SIRPG: variants seen among roughly 807,000 people sequenced by gnomAD.
SIRPG encodes the protein signal-regulatory protein gamma.
In SIRPG, 38 loss-of-function variants were observed where a neutral mutation model predicts 35.7. That is an observed-to-expected ratio of 1.06 (90% CI 0.82 to 1.40). SIRPG has a LOEUF of 1.40. Among genes scored for constraint, SIRPG ranks in the 40% most tolerant of loss-of-function variants. The pLI, the probability that SIRPG is intolerant of heterozygous loss-of-function variation, is 0.00. For missense variants in SIRPG, 519 were observed against 483.0 expected, an observed-to-expected ratio of 1.07 and a Z score of -0.70; for synonymous variants, 215 against 190.4, an observed-to-expected ratio of 1.13 and a Z score of -1.06.
At chr20:1,662,242 C>A (rs1310262209), upstream of SIRPG, among the ~76,000 whole-genome samples, 1 of 152,188 alleles carries the variant, frequency 6.6e-6, no homozygotes, top group Non-Finnish European at 1.5e-5. Flanking sequence ...GGAAGGAAAG[C>A]CTGCACTGTA....
At chr20:1,638,474 G>A (rs1022222564) in intron 2 of SIRPG, 1 of 151,996 alleles carries the variant, frequency 6.6e-6, no homozygotes, top group African/African-American at 2.4e-5. Context: ...TGCAGCTCAT[G>A]AAAAACTCAA....
chr20:1,658,290 C>T (rs2091986248), upstream of SIRPG, among the ~76,000 whole-genome samples: 1 of 152,164 alleles, frequency 6.6e-6, no homozygotes, highest in South Asian at 2.1e-4. Context: ...TCTTGTGGAC[C>T]TTAGCACTTT....
At chr20:1,635,210 A>G (rs1207479544) in intron 4 of SIRPG, 57 bp downstream of exon 4, 3 of 1,360,450 alleles carry the variant, frequency 2.2e-6, no homozygotes, top group Non-Finnish European at 3.0e-6. Context: ...GCAAGTGTGG[A>G]TATTACTTTT....
chr20:1,675,891 T>G, the SIRPG span, among the ~76,000 whole-genome samples: 1 of 152,018 alleles, frequency 6.6e-6, no homozygotes, highest in Non-Finnish European at 1.5e-5. Context: ...TCTTTCTAAG[T>G]GGGTTAAAAG....
intron 1 of SIRPG, among the ~76,000 whole-genome samples, chr20:1,656,298 G>T (rs6074957): frequency 0.28 from 42,637 of 152,032 alleles, 6,643 homozygotes; most frequent in East Asian, 0.62. Flanking sequence ...CAATGAACAG[G>T]TTCCTGCCTC....
chr20:1,636,683 C>T (rs374322631), intron 2 of SIRPG, among the ~76,000 whole-genome samples, 178 bp from the exon 3 acceptor site: 9 of 152,128 alleles, frequency 5.9e-5, no homozygotes, highest in South Asian at 2.1e-4. Context: ...GAAGAGGTGA[C>T]GACCAGCCCC....
the SIRPG span, among the ~76,000 whole-genome samples, chr20:1,675,100 T>C: frequency 3.3e-5 from 5 of 152,198 alleles, no homozygotes; most frequent in East Asian, 1.9e-4. Context: ...AGATACCCTG[T>C]AGCCATAAAA....
chr20:1,683,687 C>T, the SIRPG span, among the ~76,000 whole-genome samples: 380 of 152,238 alleles, frequency 2.5e-3, no homozygotes, highest in African/African-American at 8.7e-3. Context: ...AAGTTGAACT[C>T]ACACAAGTAG....
chr20:1,676,089 C>T, the SIRPG span, among the ~76,000 whole-genome samples: 5 of 152,256 alleles, frequency 3.3e-5, no homozygotes, highest in Non-Finnish European at 7.4e-5. Flanking sequence ...GCCACTTACT[C>T]GATGTGATTG....
At chr20:1,641,277 C>T (rs2091850107) in intron 2 of SIRPG, among the ~76,000 whole-genome samples, 1 of 152,162 alleles carries the variant, frequency 6.6e-6, no homozygotes, top group South Asian at 2.1e-4. Context: ...ATTACTGCCT[C>T]AATTTCAGAA....
chr20:1,663,771 A>G, the SIRPG span, among the ~76,000 whole-genome samples: 2 of 152,264 alleles, frequency 1.3e-5, no homozygotes, highest in African/African-American at 4.8e-5. Context: ...CATGAGCAAC[A>G]GGGTTAGGAA....
At chr20:1,634,415 A>C (rs560486445) in intron 4 of SIRPG, among the ~76,000 whole-genome samples, 37 of 151,302 alleles carry the variant, frequency 2.4e-4, no homozygotes, top group African/African-American at 8.7e-4. Context: ...CACCGTGTTA[A>C]CCAGGATGGT....
At chr20:1,677,079 G>A in the SIRPG span, among the ~76,000 whole-genome samples, 1 of 144,284 alleles carries the variant, frequency 6.9e-6, no homozygotes, top group African/African-American at 2.9e-5. Flanking sequence ...TGTATTAGAA[G>A]TGAGGACAAT....
the SIRPG span, among the ~76,000 whole-genome samples, chr20:1,665,999 C>G: frequency 6.6e-6 from 1 of 151,996 alleles, no homozygotes; most frequent in Non-Finnish European, 1.5e-5. Flanking sequence ...CGGGTTATGG[C>G]CCCTGAAGGC....
At chr20:1,658,533 C>T (rs984952642), upstream of SIRPG, among the ~76,000 whole-genome samples, 3 of 152,028 alleles carry the variant, frequency 2.0e-5, no homozygotes, top group East Asian at 5.8e-4. Context: ...TCACTGAGTT[C>T]GGATGGGAAA....
intron 2 of SIRPG, among the ~76,000 whole-genome samples, chr20:1,645,601 T>C (rs1277275583): frequency 1.3e-5 from 2 of 152,202 alleles, no homozygotes; most frequent in South Asian, 2.1e-4. Context: ...TCTGAGCATG[T>C]TACACGATTT....
At chr20:1,633,563 G>GAGTT (rs1433292318) in intron 4 of SIRPG, 1 of 152,206 alleles carries the variant, frequency 6.6e-6, no homozygotes, top group African/African-American at 2.4e-5. Flanking sequence ...ATGCATGACT[G>GAGTT]AGTTAGCTGT....
upstream of SIRPG, among the ~76,000 whole-genome samples, chr20:1,659,380 T>C (rs925112731): frequency 6.6e-6 from 1 of 152,240 alleles, no homozygotes; most frequent in African/African-American, 2.4e-5. Flanking sequence ...GGGTGAAATC[T>C]TCCCCTCCTT....
intron 2 of SIRPG, chr20:1,646,263 C>T (rs925599871): frequency 3.9e-5 from 6 of 152,234 alleles, no homozygotes; most frequent in African/African-American, 1.4e-4. Flanking sequence ...GAGAAGCCTC[C>T]CTCCTGGGTG....
Sources: allele counts gnomAD v4.1 joint callset (sites outside exome capture counted in the v4.1 genomes callset), GRCh38; gene constraint gnomAD v4.1.1; transcripts MANE v1.5; gene names NCBI Gene and HGNC (gene_info 2026-07-23, HGNC 2026-07-21).